Variants in FUBP3 observed in about 807,000 individuals in gnomAD.
The protein encoded by FUBP3 is far upstream element-binding protein 3.
FUBP3 carries 28 observed loss-of-function variants against 85.6 expected under a neutral mutation model. The ratio of observed to expected loss-of-function variants is 0.33; its 90% CI spans 0.24 to 0.45. FUBP3 has a LOEUF of 0.45. FUBP3 is among the 20% of genes least tolerant of loss of function. FUBP3 has a pLI of 1.00. For missense variants in FUBP3, 583 were observed against 755.1 expected, an observed-to-expected ratio of 0.77 and a Z score of 2.67; for synonymous variants, 271 against 271.4, an observed-to-expected ratio of 1.00 and a Z score of 0.01.
At position 130,635,097 on chromosome 9, in the gene FUBP3, A is replaced by G. The variant is rs1425643747; in HGVS notation, c.1582+359A>G. On this transcript the variant is annotated intron_variant, in intron 17 of 18. Transcript: ENST00000319725. This position sits in a 1 kb window ranked among gnomAD's most constrained non-coding sequence, Gnocchi z 4.3. Reference sequence around the variant, plus strand: ...CGGCTGGGTGCCACCTGGCCGGCAAACAGACCAACCAGACATCTTGTTCTC... The same window carrying G: ...CGGCTGGGTGCCACCTGGCCGGCAAGCAGACCAACCAGACATCTTGTTCTC... 6.6e-6 allele frequency among the ~76,000 whole-genome samples: 1 copy of G among 152,162 alleles called. No homozygotes were observed.
intron 17 of FUBP3, 150 bp downstream of exon 17, chr9:130,634,888 C>T (rs924449812): frequency 2.0e-5 from 13 of 644,068 alleles, no homozygotes; most frequent in African/African-American, 2.0e-4. Flanking sequence ...CACCCTGTAC[C>T]TGCCTGCTTC....
Position 130,616,916 on chromosome 9 carries a change from A to G in FUBP3, c.567+399A>G, listed in dbSNP as rs1485378668. ...GTGCTCATTTACTTTTTGAAGGTTC[A>G]GGGTCTTTGTGTGTCAAAAGGGGCA... On this transcript the variant is annotated intron_variant, in intron 7 of 18. Transcript: ENST00000319725. The surrounding 1 kb of genome is among the most constrained non-coding windows in gnomAD (Gnocchi z 4.7). Among the ~76,000 whole-genome samples, 2 of 152,228 alleles carry G rather than the reference A, an allele frequency of 1.3e-5. No individual in the cohort carries two copies. The highest frequency in any genetic ancestry group is 4.8e-5 in the African/African-American group (2 of 41,464).
At chr9:130,629,420 C>T (rs1359135926) in intron 12 of FUBP3, among the ~76,000 whole-genome samples, 1 of 152,268 alleles carries the variant, frequency 6.6e-6, no homozygotes, top group Non-Finnish European at 1.5e-5. Flanking sequence ...CCATGTCTCC[C>T]GGCGTCTTTT....
intron 2 of FUBP3, among the ~76,000 whole-genome samples, chr9:130,608,018 C>T (rs1653273193): frequency 6.6e-6 from 1 of 152,230 alleles, no homozygotes; most frequent in Non-Finnish European, 1.5e-5. Context: ...AAGGAATTGC[C>T]ATTTTTGTGA....
chr9:130,622,460 C>T (rs574244128), intron 9 of FUBP3, among the ~76,000 whole-genome samples: 1 of 151,996 alleles, frequency 6.6e-6, no homozygotes, highest in South Asian at 2.1e-4. Context: ...GGTGAAATCT[C>T]ATCTGTACTA....
intron 11 of FUBP3, among the ~76,000 whole-genome samples, chr9:130,624,824 A>G (rs548363666): frequency 6.6e-6 from 1 of 151,968 alleles, no homozygotes; most frequent in African/African-American, 2.4e-5. Context: ...ACGGTGGCTC[A>G]CTCTTGTACC....
intron 2 of FUBP3, among the ~76,000 whole-genome samples, chr9:130,599,107 A>G (rs574149722): frequency 5.3e-5 from 8 of 152,334 alleles, no homozygotes; most frequent in African/African-American, 1.9e-4. Context: ...CCTGGCTGAC[A>G]CGGTGAAACC....
chr9:130,624,867 C>T (rs991527126), intron 11 of FUBP3, among the ~76,000 whole-genome samples: 1 of 152,132 alleles, frequency 6.6e-6, no homozygotes, highest in African/African-American at 2.4e-5. Context: ...AAGCGGATCA[C>T]CTGAGGTCAG....
intron 1 of FUBP3, 70 bp from the exon 2 acceptor site, chr9:130,595,413 A>T: frequency 1.2e-6 from 1 of 821,696 alleles, no homozygotes; most frequent in East Asian, 2.4e-5. Context: ...TTTAAAGAGG[A>T]CACTTGTCTT....
chr9:130,634,322 C>T (rs1399462061), intron 16 of FUBP3, among the ~76,000 whole-genome samples: 3 of 152,210 alleles, frequency 2.0e-5, no homozygotes, highest in Admixed American at 6.5e-5. Context: ...GAGGGCCACG[C>T]GAAGAGAGTG....
chr9:130,634,230 GC>G (rs1830327770), intron 16 of FUBP3, among the ~76,000 whole-genome samples: 1 of 152,196 alleles, frequency 6.6e-6, no homozygotes, highest in Non-Finnish European at 1.5e-5. Context: ...GGGTCCAGGA[GC>G]CCACTGGTGC....
intron 2 of FUBP3, among the ~76,000 whole-genome samples, chr9:130,596,095 G>A (rs1273951276): frequency 6.6e-6 from 1 of 152,098 alleles, no homozygotes; most frequent in Non-Finnish European, 1.5e-5. Flanking sequence ...TCGTTTATTT[G>A]TTGTTTTGTT....
intron 1 of FUBP3, among the ~76,000 whole-genome samples, chr9:130,580,211 T>C (rs543200525): frequency 6.6e-6 from 1 of 152,278 alleles, no homozygotes; most frequent in Middle Eastern, 3.4e-3. Flanking sequence ...TAGAAGGAAC[T>C]CGAGGGCATC....
At position 130,594,664 on chromosome 9, in the gene FUBP3, C is replaced by T. The variant is rs570288317; in HGVS notation, c.85-819C>T. Among the ~76,000 whole-genome samples, 5 of 152,058 alleles carry T rather than the reference C, an allele frequency of 3.3e-5. No individual in the cohort carries two copies. The East Asian group carries it at 9.7e-4, about 29-fold the overall frequency. On this transcript the variant is annotated intron_variant, in intron 1 of 18. Transcript: ENST00000319725. The stretch of plus-strand genomic sequence containing the variant: ...GTCTCAGCTGCTTGGGAGGCTGAGG[C>T]GGGAGGATGACTTGAGCTTGGAAAA...
At chr9:130,586,841 C>T (rs1272559370) in intron 1 of FUBP3, among the ~76,000 whole-genome samples, 1 of 151,382 alleles carries the variant, frequency 6.6e-6, no homozygotes, top group African/African-American at 2.4e-5. Flanking sequence ...AGCTCAGCCT[C>T]CCAGGTTCAC....
intron 11 of FUBP3, 24 bp from the exon 12 acceptor site, chr9:130,626,338 TCG>T: frequency 6.3e-7 from 1 of 1,598,130 alleles, no homozygotes; most frequent in Non-Finnish European, 8.5e-7. Context: ...GTGGCAGAGG[TCG>T]CTACAGCCCT....
intron 1 of FUBP3, among the ~76,000 whole-genome samples, chr9:130,585,776 G>A (rs1446773500): frequency 2.0e-5 from 3 of 152,182 alleles, no homozygotes; most frequent in African/African-American, 7.2e-5. Flanking sequence ...AATTTCAGCA[G>A]TCCCTTCAAA....
chr9:130,605,570 A>G (rs534550810), intron 2 of FUBP3, among the ~76,000 whole-genome samples: 1 of 152,332 alleles, frequency 6.6e-6, no homozygotes, highest in South Asian at 2.1e-4. Context: ...AGCTGCCTCA[A>G]AGGTGGGTTC....
At chr9:130,590,339 G>A (rs1830570414) in intron 1 of FUBP3, among the ~76,000 whole-genome samples, 1 of 152,164 alleles carries the variant, frequency 6.6e-6, no homozygotes, top group South Asian at 2.1e-4. Flanking sequence ...GAACTGGCTG[G>A]AAAATCAGGA....
Sources: gnomAD v4.1 joint callset for allele counts (sites outside exome capture counted in the v4.1 genomes callset) on GRCh38, gnomAD v4.1.1 for gene constraint, Gnocchi (gnomAD v3.1) non-coding constraint, MANE v1.5 for transcripts, NCBI Gene and HGNC (gene_info 2026-07-23, HGNC 2026-07-21) for gene names.